Variants in CT55 observed in about 807,000 individuals in gnomAD.
CT55 encodes the protein BRCA2-interacting protein.
A neutral mutation model predicts 12.6 loss-of-function variants in CT55; 1 was observed. The observed-to-expected ratio is 0.08, with a 90% CI of 0.03 to 0.38. The LOEUF is 0.38. Ranked by LOEUF, CT55 falls within the 10% of genes least tolerant of loss-of-function variation. The pLI is 0.99. For synonymous variants in CT55, 43 were observed against 49.7 expected (o/e 0.87, Z 0.57); for missense variants, 109 against 135.4 (o/e 0.80, Z 0.97).
chrX:135,160,859 G>A (rs1472707910), intron 2 of CT55, among the ~76,000 whole-genome samples: 17 of 111,470 alleles, frequency 1.5e-4, no homozygotes, highest in African/African-American at 5.6e-4. Flanking sequence ...GTGAAATGAC[G>A]GTAAAGTGGA....
chrX:135,161,551 G>A (rs1320305524), intron 2 of CT55, among the ~76,000 whole-genome samples: 3 of 112,306 alleles, frequency 2.7e-5, no homozygotes, highest in African/African-American at 9.7e-5. Context: ...GACGGAAAGA[G>A]TCATAGGGAA....
chrX:135,169,149 G>A (rs782295149), intron 2 of CT55, among the ~76,000 whole-genome samples: 25 of 112,232 alleles, frequency 2.2e-4, no homozygotes, highest in African/African-American at 7.4e-4. Flanking sequence ...CCAGGACTCC[G>A]TAAATCTGCA....
chrX:135,169,834 C>A, intron 1 of CT55, 56 bp from the exon 2 acceptor site: 1 of 934,669 alleles, frequency 1.1e-6, no homozygotes, highest in Non-Finnish European at 1.5e-6. Context: ...ACACCTACTA[C>A]AAGTAAGTCT....
At chrX:135,163,688 C>T (rs782644520) in intron 2 of CT55, among the ~76,000 whole-genome samples, 2 of 111,585 alleles carry the variant, frequency 1.8e-5, no homozygotes, top group Admixed American at 9.5e-5. Context: ...AAGTTACAAA[C>T]GTCTAGGTAC....
At chrX:135,170,559 T>C (rs1448562270) in intron 1 of CT55, among the ~76,000 whole-genome samples, 7 of 111,246 alleles carry the variant, frequency 6.3e-5, no homozygotes, top group Non-Finnish European at 1.1e-4. Flanking sequence ...AATGGTTTTC[T>C]TTATTTCTCC....
chrX:135,165,991 A>C (rs2083582315), intron 2 of CT55, among the ~76,000 whole-genome samples: 1 of 97,930 alleles, frequency 1.0e-5, no homozygotes, highest in Non-Finnish European at 2.0e-5. Context: ...TACCAAATTT[A>C]TATATAAAGA....
intron 2 of CT55, among the ~76,000 whole-genome samples, chrX:135,164,367 G>A (rs1335911565): frequency 1.0e-3 from 114 of 111,731 alleles, no homozygotes; most frequent in African/African-American, 2.2e-3. Context: ...ATAATCTGCC[G>A]TGATTATGTT....
intron 2 of CT55, among the ~76,000 whole-genome samples, chrX:135,165,395 G>A (rs1479464904): frequency 2.7e-5 from 3 of 111,335 alleles, no homozygotes; most frequent in African/African-American, 9.8e-5. Flanking sequence ...CAAAATGAAG[G>A]CACAACATAC....
chrX:135,170,750 C>T (rs2083607336), intron 1 of CT55, among the ~76,000 whole-genome samples: 1 of 111,429 alleles, frequency 9.0e-6, no homozygotes, highest in African/African-American at 3.3e-5. Flanking sequence ...TAAATTAACT[C>T]GCAAATTAGG....
chrX:135,171,414 AG>A (rs2083610736), upstream of CT55: 4 of 488,347 alleles, frequency 8.2e-6, no homozygotes, highest in Non-Finnish European at 1.2e-5. Context: ...TGCGCTCGTC[AG>A]GGCCCGCCTC....
At chrX:135,159,143 T>G (rs1332279138) in intron 3 of CT55, among the ~76,000 whole-genome samples, 1 of 110,191 alleles carries the variant, frequency 9.1e-6, no homozygotes, top group Non-Finnish European at 1.9e-5. Flanking sequence ...ATCAACAAAG[T>G]TAAACATTTC....
intron 2 of CT55, among the ~76,000 whole-genome samples, chrX:135,164,188 T>C (rs2083573725): frequency 8.9e-6 from 1 of 112,311 alleles, no homozygotes; most frequent in East Asian, 2.8e-4. Context: ...ATATCTTTCA[T>C]GTAAAGGTTA....
At chrX:135,166,414 G>A (rs1267680223) in intron 2 of CT55, among the ~76,000 whole-genome samples, 2 of 111,189 alleles carry the variant, frequency 1.8e-5, no homozygotes, top group Non-Finnish European at 3.8e-5. Flanking sequence ...ACACCTCTTC[G>A]TGACTAAAAA....
chrX:135,166,937 A>C (rs1289344713), intron 2 of CT55, among the ~76,000 whole-genome samples: 3 of 112,395 alleles, frequency 2.7e-5, no homozygotes, highest in Non-Finnish European at 5.6e-5. Flanking sequence ...CCATTGACGA[A>C]GCAAATTGAA....
intron 3 of CT55, among the ~76,000 whole-genome samples, chrX:135,159,370 C>T (rs781923639): frequency 2.2e-4 from 24 of 111,587 alleles, no homozygotes; most frequent in South Asian, 1.1e-3. Flanking sequence ...ACCAATCTAA[C>T]GTGTGTAAAG....
intron 2 of CT55, among the ~76,000 whole-genome samples, chrX:135,165,254 T>C (rs781955185): frequency 8.9e-6 from 1 of 112,249 alleles, no homozygotes; most frequent in East Asian, 2.8e-4. Flanking sequence ...AACGGTAAAG[T>C]ATTAGAAATC....
chrX:135,170,594 T>C (rs781938941), intron 1 of CT55, among the ~76,000 whole-genome samples: 1 of 110,813 alleles, frequency 9.0e-6, no homozygotes, highest in Admixed American at 9.6e-5. Flanking sequence ...CTTTTTTTTT[T>C]ATTCTGCACA....
upstream of CT55, among the ~76,000 whole-genome samples, chrX:135,171,805 G>A (rs1444186841): frequency 8.9e-6 from 1 of 111,928 alleles, no homozygotes; most frequent in South Asian, 3.8e-4. Flanking sequence ...TGGCAAGTAC[G>A]TGTCTTGTGT....
At chrX:135,171,015 G>T in intron 1 of CT55, 63 bp downstream of exon 1, 1 of 1,187,103 alleles carries the variant, frequency 8.4e-7, no homozygotes, top group Admixed American at 2.2e-5. Flanking sequence ...CATTCCGGGG[G>T]TGAGGAGAAC....
Sources: allele counts gnomAD v4.1 joint callset (sites outside exome capture counted in the v4.1 genomes callset), GRCh38; gene constraint gnomAD v4.1.1; transcripts MANE v1.5; gene names NCBI Gene and HGNC (gene_info 2026-07-23, HGNC 2026-07-21).